The following UBA1 variants were observed in gnomAD, a reference collection of about 807,000 sequenced individuals.
The protein encoded by UBA1 is ubiquitin-like modifier-activating enzyme 1.
In UBA1, 4 loss-of-function variants were observed where a neutral mutation model predicts 84.7. The observed-to-expected ratio is 0.05, with a 90% CI of 0.02 to 0.11. UBA1 has a LOEUF of 0.11. Among genes scored for constraint, UBA1 ranks in the 10% least tolerant of loss-of-function variants. The pLI is 1.00. For missense variants in UBA1, 513 were observed against 902.8 expected (o/e 0.57, Z 5.53); for synonymous variants, 364 against 362.6 (o/e 1.00, Z -0.04).
intron 1 of UBA1, among the ~76,000 whole-genome samples, chrX:47,194,303 G>A (rs781784730): frequency 8.9e-6 from 1 of 112,222 alleles, no homozygotes; most frequent in South Asian, 3.7e-4. Flanking sequence ...ACCTGACTCC[G>A]TCCCGAACCT....
chrX:47,199,967 A>G (rs1936344153), intron 5 of UBA1, among the ~76,000 whole-genome samples: 1 of 109,416 alleles, frequency 9.1e-6, no homozygotes, highest in Non-Finnish European at 1.9e-5. Flanking sequence ...TTGTATTTTT[A>G]GTAGAGACGG....
Position 47,211,127 on chromosome X carries a change from C to T in UBA1, c.2366C>T (p.Thr789Ile), listed in dbSNP as rs782694127. Residue 789 changes from threonine to isoleucine, a missense_variant, in exon 20 of 26, where the codon ACA becomes ATA. Physicochemically the swap from Thr to Ile is moderately conservative, Grantham distance 89 (BLOSUM62 -1). This residue lies in a region of UBA1 where 151 missense variants were observed against 260.1 expected (regional missense o/e 0.58). Transcript: ENST00000335972. ...TGSQDRAAVA[T>I]FLQSVQVPEF... ...TCTCAGGACCGAGCTGCTGTGGCCA[C>T]ATTCCTGCAGTCTGTGCAGGTCCCC... 8.3e-7 allele frequency: 1 copy of T among 1,211,961 alleles called. No homozygotes were observed. Among genetic ancestry groups the T allele is most frequent in the Non-Finnish European group, 1.1e-6 (1 of 895,577 alleles).
Position 47,214,381 on chromosome X carries a change from C to G in UBA1, c.2893C>G (p.Pro965Ala), listed in dbSNP as rs1556794528. 31 of 1,208,762 alleles carry G rather than the reference C, an allele frequency of 2.6e-5. No individual in the cohort carries two copies. Among genetic ancestry groups the G allele is most frequent in the African/African-American group, 5.3e-5 (3 of 56,653 alleles). ...WDRFEVQGLQPNGEEMTLKQF... is the reference protein window; with the variant it reads ...WDRFEVQGLQANGEEMTLKQF... ...TCGCTTTGAGGTACAAGGGCTGCAG[C>G]CTAATGGTGAGGAGATGACCCTCAA... Residue 965 changes from proline (P) to alanine (A), a missense_variant, in exon 24 of 26, where the codon CCT becomes GCT. This residue lies in a region of UBA1 where 151 missense variants were observed against 260.1 expected (regional missense o/e 0.58). Transcript: ENST00000335972.
Position 47,202,028 on chromosome X carries a change from G to T in UBA1, c.812-128G>T, listed in dbSNP as rs188553516. 5.5e-5 allele frequency: 32 copies of T among 576,661 alleles called. No individual in the cohort carries two copies. In the African/African-American group the frequency reaches 6.8e-4, roughly 12 times the overall value. 47.5% of individuals were successfully genotyped at this position (576,661 alleles called of 1,213,427 possible). A position where few individuals can be genotyped will look rare whatever the true frequency, so the allele number is the denominator to read the frequency against. ...AGATGGTTTCTGATGTCCAAGTGGA[G>T]CCTGGAGCTGAGGGAAGACAGCTTC... On this transcript the variant is annotated intron_variant, in intron 8 of 25. Coordinates refer to ENST00000335972, the MANE Select transcript of UBA1 (RefSeq NM_003334.4).
rs1937070593 is a variant in UBA1, at chrX:47,214,611, C to T, written c.3015C>T (p.Ala1005=). The change falls in exon 25 of 26, where the codon GCC becomes GCT. Residue 1005 remains alanine, a synonymous_variant. Transcript: ENST00000335972. ...TCTATTCCTTCTTCATGCCAGCTGCCAAGCTCAAGGAACGGTTGGATCAGC... is the reference window on the plus strand; with the variant it reads ...TCTATTCCTTCTTCATGCCAGCTGCTAAGCTCAAGGAACGGTTGGATCAGC... ...SMLYSFFMPA[A]KLKERLDQPM... 1 of 1,210,727 alleles carries T rather than the reference C, an allele frequency of 8.3e-7. No individual in the cohort carries two copies. The highest frequency in any genetic ancestry group is 1.1e-6 in the Non-Finnish European group (1 of 894,944).
At chrX:47,193,627 T>C (rs782199836), upstream of UBA1, among the ~76,000 whole-genome samples, 104 of 113,025 alleles carry the variant, frequency 9.2e-4, no homozygotes, top group African/African-American at 2.9e-3. Flanking sequence ...TCGCATTCCA[T>C]GAGGCGTGGC....
At chrX:47,200,050 G>A (rs1936348589) in intron 5 of UBA1, among the ~76,000 whole-genome samples, 1 of 110,845 alleles carries the variant, frequency 9.0e-6, no homozygotes, top group African/African-American at 3.3e-5. Flanking sequence ...CTCCCAAAGT[G>A]CTGGGATTAC....
At chrX:47,197,123 C>T (rs1006319436) in intron 1 of UBA1, 1 of 753,652 alleles carries the variant, frequency 1.3e-6, no homozygotes, top group Non-Finnish European at 1.6e-6. Context: ...GCATTCTAAG[C>T]AATTCACCTG....
chrX:47,209,137 C>T (rs781790789), intron 16 of UBA1: 4 of 256,113 alleles, frequency 1.6e-5, no homozygotes, highest in Non-Finnish European at 2.8e-5. Flanking sequence ...ACTATTGTAA[C>T]CACTGCCCAA....
At chrX:47,201,944 G>A (rs1207322732) in intron 8 of UBA1, among the ~76,000 whole-genome samples, 1 of 111,610 alleles carries the variant, frequency 9.0e-6, no homozygotes, top group Non-Finnish European at 1.9e-5. Context: ...TTCCCGTGTA[G>A]ACTTGGAGCC....
intron 13 of UBA1, 112 bp downstream of exon 13, chrX:47,203,326 CCTT>C (rs1262062374): frequency 1.1e-6 from 1 of 946,754 alleles, no homozygotes; most frequent in Admixed American, 2.3e-5. Context: ...TTGCCATTCT[CCTT>C]ATCTTGAAGG....
In UBA1 at chrX:47,203,157, A is replaced by C. The variant is rs782820804; in HGVS notation, c.1362A>C (p.Gln454His). 1 of 1,211,817 alleles carries C rather than the reference A, an allele frequency of 8.3e-7. No individual in the cohort carries two copies. Among genetic ancestry groups the C allele is most frequent in the Non-Finnish European group, 1.1e-6 (1 of 895,541 alleles). The part of the protein sequence containing the change: ...CLQRQNRYDG[Q>H]VAVFGSDLQE... ...AGCGCCAGAACCGTTATGACGGGCA[A>C]GTGGCTGTGTTTGGCTCAGACCTGC... The change falls in exon 13 of 26, where the codon CAA (glutamine) becomes CAC (histidine). Residue 454 changes from glutamine to histidine, a missense_variant. Coordinates refer to ENST00000335972, the MANE Select transcript of UBA1 (RefSeq NM_003334.4).
Position 47,193,898 on chromosome X carries a change from G to C in UBA1, c.-127G>C, listed in dbSNP as rs1378244628. ...CACAACCACAACGGCCGGGGGAGGAGAAGGCGGCAGCGGCGATTCTAGGCG... is the reference window on the plus strand; with the variant it reads ...CACAACCACAACGGCCGGGGGAGGACAAGGCGGCAGCGGCGATTCTAGGCG... On this transcript the variant is annotated 5_prime_UTR_variant, in exon 1 of 26. Coordinates refer to ENST00000335972, the MANE Select transcript of UBA1 (RefSeq NM_003334.4). 8.9e-6 allele frequency: 1 copy of C among 112,401 alleles called. No individual in the cohort carries two copies. Among genetic ancestry groups the C allele is most frequent in the Non-Finnish European group, 1.9e-5 (1 of 53,353 alleles). The allele number at this position is 112,401 out of a possible 1,213,427, so 9.3% of individuals were successfully genotyped here.
At chrX:47,210,370 G>A (rs1333460541) in intron 18 of UBA1, among the ~76,000 whole-genome samples, 1 of 111,726 alleles carries the variant, frequency 9.0e-6, no homozygotes, top group East Asian at 2.8e-4. Context: ...AGGGCTGTAG[G>A]GATTATGGGG....
Position 47,202,401 on chromosome X carries a change from C to T in UBA1, c.953C>T (p.Thr318Met), listed in dbSNP as rs370324418. ...CTGGCAGAACCTGACTTTGTGGTGACGGACTTCGCCAAGTTTTCTCGCCCT... is the reference window on the plus strand; with the variant it reads ...CTGGCAGAACCTGACTTTGTGGTGATGGACTTCGCCAAGTTTTCTCGCCCT... ...ASLAEPDFVV[T>M]DFAKFSRPAQ... Residue 318 changes from threonine (T) to methionine (M), a missense_variant, in exon 10 of 26, where the codon ACG becomes ATG. By Grantham distance (81) the Thr-to-Met change is moderately conservative. Coordinates refer to ENST00000335972, the MANE Select transcript of UBA1 (RefSeq NM_003334.4). The T allele has an allele frequency of 5.0e-6, 6 of 1,209,371 alleles. No individual in the cohort carries two copies. The highest frequency in any genetic ancestry group is 4.6e-4 in the Middle Eastern group (2 of 4,373).
intron 20 of UBA1, 148 bp from the exon 21 acceptor site, chrX:47,212,276 C>T: frequency 2.1e-6 from 1 of 484,645 alleles, no homozygotes; most frequent in Non-Finnish European, 3.7e-6. Flanking sequence ...TCTACCTCTC[C>T]TCCTTGCCCC....
At chrX:47,195,330 A>G (rs909398080) in intron 1 of UBA1, among the ~76,000 whole-genome samples, 4 of 110,205 alleles carry the variant, frequency 3.6e-5, no homozygotes, top group African/African-American at 1.3e-4. Context: ...GCTCACTGCA[A>G]CCTCCACCTC....
At chrX:47,193,235 A>G (rs782078955), upstream of UBA1, among the ~76,000 whole-genome samples, 1 of 111,706 alleles carries the variant, frequency 9.0e-6, no homozygotes, top group Non-Finnish European at 1.9e-5. Flanking sequence ...CTGAGTTTCC[A>G]GGTTGAGCTA....
At chrX:47,199,735 G>T in intron 5 of UBA1, 121 bp downstream of exon 5, 1 of 888,042 alleles carries the variant, frequency 1.1e-6, no homozygotes, top group Non-Finnish European at 1.6e-6. Context: ...TGTGCTGGGG[G>T]ACTAGAGTAT....
Sources: allele counts gnomAD v4.1 joint callset (sites outside exome capture counted in the v4.1 genomes callset), GRCh38; gene constraint gnomAD v4.1.1; regional missense constraint gnomAD v4.1.1; transcripts MANE v1.5; gene names NCBI Gene and HGNC (gene_info 2026-07-23, HGNC 2026-07-21).